Variants in GBF1 observed in about 807,000 individuals in gnomAD.
GBF1 encodes golgi brefeldin A resistant guanine nucleotide exchange factor 1, also known as Golgi-specific brefeldin A-resistance guanine nucleotide exchange factor 1.
GBF1 carries 114 observed loss-of-function variants against 210.5 expected under a neutral mutation model. The ratio of observed to expected loss-of-function variants is 0.54; its 90% confidence interval spans 0.47 to 0.63. The LOEUF is 0.63. Among genes scored for constraint, GBF1 ranks in the 30% least tolerant of loss-of-function variants. The probability of loss-of-function intolerance (pLI) is 0.00; values close to 1 mark genes in which losing one functional copy is unlikely to be tolerated. For synonymous variants in GBF1, 850 were observed against 889.2 expected, an observed-to-expected ratio of 0.96 and a Z score of 0.78; for missense variants, 1,851 against 2,357.7, an observed-to-expected ratio of 0.79 and a Z score of 4.45.
rs550942958 is a variant in GBF1, at chr10:102,309,690, A to T, written c.164-34361A>T. Among the ~76,000 whole-genome samples, 9 of 152,202 alleles carry T rather than the reference A, an allele frequency of 5.9e-5. No homozygotes were observed. The South Asian group carries it at 1.9e-3, about 32-fold the overall frequency. ...TTGTTTTCATCTTTGTTTTTTAGTT[A>T]AATCATAACCTAGTTATGATTTTTG... On this transcript the variant is annotated intron_variant, in intron 3 of 39. Coordinates refer to ENST00000369983, the MANE Select transcript of GBF1 (RefSeq NM_001377137.1).
At chr10:102,320,121 G>T (rs1317188450) in intron 3 of GBF1, among the ~76,000 whole-genome samples, 3 of 152,124 alleles carry the variant, frequency 2.0e-5, no homozygotes, top group East Asian at 1.9e-4. Flanking sequence ...GGGATGTATG[G>T]TTTTTTTAGA....
chr10:102,232,845 A>G, the GBF1 span, among the ~76,000 whole-genome samples: 1 of 152,158 alleles, frequency 6.6e-6, no homozygotes, highest in African/African-American at 2.4e-5. Flanking sequence ...TCTGTTACCC[A>G]TTCTCCTTAG....
intron 38 of GBF1, among the ~76,000 whole-genome samples, chr10:102,380,918 G>A (rs1362561200): frequency 6.6e-6 from 1 of 152,050 alleles, no homozygotes; most frequent in Non-Finnish European, 1.5e-5. Context: ...TGAAACAGGA[G>A]AATCACTTGA....
chr10:102,360,989 A>C (rs1290107071), intron 12 of GBF1, 33 bp from the exon 13 acceptor site: 6 of 1,167,700 alleles, frequency 5.1e-6, no homozygotes, highest in Non-Finnish European at 6.3e-6. Flanking sequence ...AAAAAAAAAA[A>C]AAACTCATGG....
rs2060048722 is a variant in GBF1, at chr10:102,368,778, T to C, written c.2919T>C (p.Asp973=). Residue 973 remains aspartate, a synonymous_variant, in exon 23 of 40, where the codon GAT becomes GAC. Coordinates refer to ENST00000369983, the MANE Select transcript of GBF1 (RefSeq NM_001377137.1). The part of the protein sequence containing the change: ...AMISAHYGLS[D]VFDNLIISLC... ...TCTCCGCCCACTATGGCCTCAGCGATGTGTTTGACAATCTCATCATCTCTC... is the reference window on the plus strand; with the variant it reads ...TCTCCGCCCACTATGGCCTCAGCGACGTGTTTGACAATCTCATCATCTCTC... 13 of 1,613,534 alleles carry C rather than the reference T, an allele frequency of 8.1e-6. No homozygotes were observed. Among genetic ancestry groups the C allele is most frequent in the Non-Finnish European group, 1.0e-5 (12 of 1,179,558 alleles).
upstream of GBF1, among the ~76,000 whole-genome samples, chr10:102,240,596 A>T (rs147188068): frequency 6.6e-6 from 1 of 152,286 alleles, no homozygotes; most frequent in Non-Finnish European, 1.5e-5. Context: ...ACTGCCAGAC[A>T]CAACTCCCGC....
In GBF1 at chr10:102,382,310, C is replaced by A. The variant is rs573776166; in HGVS notation, c.5557C>A (p.Pro1853Thr). The change falls in exon 40 of 40, where the codon CCC becomes ACC. Residue 1853 changes from proline to threonine, a missense_variant. Coordinates refer to ENST00000369983, the MANE Select transcript of GBF1 (RefSeq NM_001377137.1). The stretch of plus-strand genomic sequence containing the variant: ...CCTGGCCACACCCCGCCCCACAGAT[C>A]CCATACCCACCTCTGAGGTCAACTA... The part of the protein sequence containing the change: ...PLLATPRPTD[P>T]IPTSEVN The A allele has an allele frequency of 1.2e-6, 2 of 1,612,294 alleles. No individual in the cohort carries two copies. The highest frequency in any genetic ancestry group is 2.2e-5 in the South Asian group (2 of 90,814).
rs767206374 is a variant in GBF1, at chr10:102,381,280, T to C, written c.5302+25T>C. 12 of 1,611,940 alleles carry C rather than the reference T, an allele frequency of 7.4e-6. No homozygotes were observed. In the Admixed American group the frequency reaches 2.0e-4, roughly 27 times the overall value. On this transcript the variant is annotated intron_variant, in intron 39 of 39. Transcript: ENST00000369983. Reference sequence around the variant, plus strand: ...GGTGAGTCTCTCTAGCCTAGCCTGATAGGCACTGAGTAGCAAGCAGGGGGC... The same window carrying C: ...GGTGAGTCTCTCTAGCCTAGCCTGACAGGCACTGAGTAGCAAGCAGGGGGC...
At chr10:102,278,244 A>G (rs1262359756) in intron 3 of GBF1, among the ~76,000 whole-genome samples, 1 of 151,978 alleles carries the variant, frequency 6.6e-6, no homozygotes, top group Admixed American at 6.6e-5. Flanking sequence ...GGTGATTAAG[A>G]AAACAAACAA....
chr10:102,306,662 G>C (rs1433661900), intron 3 of GBF1, among the ~76,000 whole-genome samples: 2 of 152,240 alleles, frequency 1.3e-5, no homozygotes, highest in Admixed American at 1.3e-4. Context: ...GACTGCAGGT[G>C]ATCTGCCCAC....
At chr10:102,303,924 A>G (rs1448823517) in intron 3 of GBF1, among the ~76,000 whole-genome samples, 1 of 152,116 alleles carries the variant, frequency 6.6e-6, no homozygotes, top group Non-Finnish European at 1.5e-5. Context: ...CATTTTACAG[A>G]TGCAGAAACT....
chr10:102,272,819 G>C (rs1366254108), intron 3 of GBF1, among the ~76,000 whole-genome samples: 1 of 152,174 alleles, frequency 6.6e-6, no homozygotes, highest in South Asian at 2.1e-4. Context: ...TGGCAAATGT[G>C]GGTCTGCCTC....
chr10:102,347,956 T>C (rs909451931), intron 4 of GBF1, among the ~76,000 whole-genome samples: 2 of 152,152 alleles, frequency 1.3e-5, no homozygotes, highest in Non-Finnish European at 2.9e-5. Context: ...TTGGTTTTTA[T>C]TGAGACAGTT....
chr10:102,305,783 G>A (rs2077807866), intron 3 of GBF1, among the ~76,000 whole-genome samples: 1 of 152,184 alleles, frequency 6.6e-6, no homozygotes, highest in Non-Finnish European at 1.5e-5. Flanking sequence ...CTCCTAAAGA[G>A]TCATTTCAAT....
intron 3 of GBF1, among the ~76,000 whole-genome samples, chr10:102,319,108 G>C (rs2056136124): frequency 6.6e-6 from 1 of 152,206 alleles, no homozygotes; most frequent in Non-Finnish European, 1.5e-5. Flanking sequence ...ACGAGGTCAG[G>C]AGATCGTGAC....
At chr10:102,240,426 G>A (rs1334083763), upstream of GBF1, among the ~76,000 whole-genome samples, 1 of 152,234 alleles carries the variant, frequency 6.6e-6, no homozygotes. Flanking sequence ...CTCGCTCCCT[G>A]CTCACAGCTT....
chr10:102,381,274 G>C lies in GBF1; in HGVS notation c.5302+19G>C, dbSNP rs375554322. ...GCCTGTGGTGAGTCTCTCTAGCCTA[G>C]CCTGATAGGCACTGAGTAGCAAGCA... On this transcript the variant is annotated intron_variant, in intron 39 of 39. Coordinates refer to ENST00000369983, the MANE Select transcript of GBF1 (RefSeq NM_001377137.1). 8 of 1,612,038 alleles carry C rather than the reference G, an allele frequency of 5.0e-6. No individual in the cohort carries two copies. The highest frequency in any genetic ancestry group is 6.8e-6 in the Non-Finnish European group (8 of 1,178,974).
At chr10:102,282,531 G>A (rs142634966) in intron 3 of GBF1, among the ~76,000 whole-genome samples, 157 of 152,266 alleles carry the variant, frequency 1.0e-3, no homozygotes, top group African/African-American at 3.7e-3. Flanking sequence ...CTGTCTTGCT[G>A]GAGACAAATT....
At chr10:102,281,409 TA>T in intron 3 of GBF1, among the ~76,000 whole-genome samples, 1 of 152,256 alleles carries the variant, frequency 6.6e-6, no homozygotes, top group East Asian at 1.9e-4. Context: ...ACAATCTGCA[TA>T]AAATACTAAA....
Sources: allele counts gnomAD v4.1 joint callset (sites outside exome capture counted in the v4.1 genomes callset), GRCh38; gene constraint gnomAD v4.1.1; transcripts MANE v1.5; gene names NCBI Gene and HGNC (gene_info 2026-07-23, HGNC 2026-07-21).